The following NLGN1 variants were observed in gnomAD, a reference collection of about 807,000 sequenced individuals.
NLGN1 encodes neuroligin-1.
In NLGN1, 12 loss-of-function variants were observed where a neutral mutation model predicts 65.5. The ratio of observed to expected loss-of-function variants is 0.18; its 90% CI spans 0.12 to 0.30. The LOEUF is 0.30. Among genes scored for constraint, NLGN1 ranks in the 10% least tolerant of loss-of-function variants. NLGN1 has a pLI of 1.00. For missense variants in NLGN1, 750 were observed against 1,007.1 expected, an observed-to-expected ratio of 0.74 and a Z score of 3.46; for synonymous variants, 350 against 359.5, an observed-to-expected ratio of 0.97 and a Z score of 0.30.
At chr3:174,116,257 A>T (rs1272649270) in intron 4 of NLGN1, among the ~76,000 whole-genome samples, 1 of 150,968 alleles carries the variant, frequency 6.6e-6, no homozygotes, top group African/African-American at 2.4e-5. Context: ...CATCACTATC[A>T]TCTTACATTT....
At chr3:173,831,685 A>T (rs1046094985) in intron 4 of NLGN1, among the ~76,000 whole-genome samples, 2 of 152,216 alleles carry the variant, frequency 1.3e-5, no homozygotes, top group African/African-American at 4.8e-5. Flanking sequence ...CATAACAATC[A>T]CGTGCATTTT....
intron 4 of NLGN1, among the ~76,000 whole-genome samples, chr3:173,994,144 G>A (rs1359149025): frequency 6.6e-6 from 1 of 152,000 alleles, no homozygotes; most frequent in Non-Finnish European, 1.5e-5. Context: ...GTCTCACTCT[G>A]TCACCCAGGT....
intron 4 of NLGN1, among the ~76,000 whole-genome samples, chr3:174,190,750 T>TA (rs1732246819): frequency 6.6e-6 from 1 of 152,140 alleles, no homozygotes; most frequent in Non-Finnish European, 1.5e-5. Context: ...GTATATAACT[T>TA]AACTGAATAA....
chr3:173,529,043 T>G (rs982641622), intron 2 of NLGN1, among the ~76,000 whole-genome samples: 1 of 152,208 alleles, frequency 6.6e-6, no homozygotes, highest in African/African-American at 2.4e-5. Context: ...TGCTGGATCC[T>G]TATCATCTAG....
At chr3:173,503,358 T>C (rs1228370692) in intron 2 of NLGN1, among the ~76,000 whole-genome samples, 3 of 152,058 alleles carry the variant, frequency 2.0e-5, no homozygotes, top group Non-Finnish European at 4.4e-5. Context: ...ATGTTCTAAA[T>C]CCCTTGGGTG....
intron 2 of NLGN1, among the ~76,000 whole-genome samples, chr3:173,452,877 G>C (rs550180303): frequency 6.6e-6 from 1 of 152,124 alleles, no homozygotes; most frequent in Admixed American, 6.5e-5. Flanking sequence ...TATAAATTAC[G>C]TTTACATGAC....
chr3:174,161,190 A>C (rs1424298419), intron 4 of NLGN1, among the ~76,000 whole-genome samples: 1 of 148,144 alleles, frequency 6.8e-6, no homozygotes, highest in Non-Finnish European at 1.5e-5. Flanking sequence ...TCTGTGATGG[A>C]AAACTTCTTT....
intron 4 of NLGN1, among the ~76,000 whole-genome samples, chr3:173,879,009 G>T (rs1732719428): frequency 6.6e-6 from 1 of 152,026 alleles, no homozygotes; most frequent in South Asian, 2.1e-4. Flanking sequence ...ATAGCATGTG[G>T]ATCACCTGAG....
chr3:173,612,119 T>G (rs1035149349), intron 3 of NLGN1, among the ~76,000 whole-genome samples: 1 of 152,038 alleles, frequency 6.6e-6, no homozygotes, highest in East Asian at 1.9e-4. Flanking sequence ...TGGCAGGACA[T>G]GCTAACGTAG....
rs1470469466 is a variant in NLGN1, at chr3:173,881,287, C to T, written c.646+73455C>T. On this transcript the variant is annotated intron_variant, in intron 4 of 6. Coordinates refer to ENST00000457714, the Ensembl canonical transcript of NLGN1. ...CTAATTTTTGTATTTTTGCTAGAGACGAGGGTTCACCATGTTGGCCAAGAT... is the reference window on the plus strand; with the variant it reads ...CTAATTTTTGTATTTTTGCTAGAGATGAGGGTTCACCATGTTGGCCAAGAT... Among the ~76,000 whole-genome samples the T allele has an allele frequency of 5.3e-5, 8 of 151,030 alleles. No individual in the cohort carries two copies. In the South Asian group the frequency reaches 6.3e-4, roughly 12 times the overall value.
intron 4 of NLGN1, among the ~76,000 whole-genome samples, chr3:174,163,752 A>C (rs1727002987): frequency 6.6e-6 from 1 of 152,056 alleles, no homozygotes; most frequent in Admixed American, 6.6e-5. Flanking sequence ...GTTGCTGCAA[A>C]GGAAATGATT....
intron 4 of NLGN1, among the ~76,000 whole-genome samples, chr3:173,925,481 C>G (rs1742831111): frequency 2.0e-5 from 3 of 152,128 alleles, no homozygotes; most frequent in East Asian, 1.9e-4. Flanking sequence ...TCTACCTGGA[C>G]CCAGTATAGA....
chr3:173,517,913 A>G (rs1404884298), intron 2 of NLGN1, among the ~76,000 whole-genome samples: 1 of 152,154 alleles, frequency 6.6e-6, no homozygotes, highest in East Asian at 1.9e-4. Flanking sequence ...TCTGCTCTAC[A>G]CTAGTGGACA....
intron 4 of NLGN1, among the ~76,000 whole-genome samples, chr3:174,126,153 C>T (rs146845961): frequency 3.9e-5 from 6 of 152,148 alleles, no homozygotes; most frequent in African/African-American, 1.4e-4. Context: ...TTCACCTTTC[C>T]CTTTCTTGAA....
chr3:173,911,726 G>C (rs1268614910), intron 4 of NLGN1, among the ~76,000 whole-genome samples: 2 of 152,148 alleles, frequency 1.3e-5, no homozygotes, highest in Non-Finnish European at 2.9e-5. Context: ...GCAGTGAAAA[G>C]GAAGAGAGAG....
At chr3:173,953,967 A>G (rs1748710856) in intron 4 of NLGN1, among the ~76,000 whole-genome samples, 1 of 152,096 alleles carries the variant, frequency 6.6e-6, no homozygotes, top group Non-Finnish European at 1.5e-5. Context: ...AGATGTTCTA[A>G]AGTTAAATGA....
intron 3 of NLGN1, among the ~76,000 whole-genome samples, chr3:173,757,562 T>C (rs1043074577): frequency 6.6e-6 from 1 of 151,984 alleles, no homozygotes; most frequent in Non-Finnish European, 1.5e-5. Context: ...AAGGCAATTA[T>C]AGCCAAAGAA....
chr3:173,460,387 TA>T (rs1560286125), intron 2 of NLGN1, among the ~76,000 whole-genome samples: 2 of 152,132 alleles, frequency 1.3e-5, no homozygotes, highest in Non-Finnish European at 2.9e-5. Flanking sequence ...TACAAAATTA[TA>T]AAAAGCTGGG....
At chr3:173,764,747 C>T (rs918664948) in intron 3 of NLGN1, among the ~76,000 whole-genome samples, 1 of 152,042 alleles carries the variant, frequency 6.6e-6, no homozygotes, top group Admixed American at 6.6e-5. Context: ...CTCAAAAACA[C>T]AATTTTCTGA....
Sources: gnomAD v4.1 joint callset for allele counts (sites outside exome capture counted in the v4.1 genomes callset) on GRCh38, gnomAD v4.1.1 for gene constraint, MANE v1.5 for transcripts, NCBI Gene and HGNC (gene_info 2026-07-23, HGNC 2026-07-21) for gene names.